The following NPRL3 variants were observed in gnomAD, a reference collection of about 807,000 sequenced individuals.
NPRL3 encodes NPR3 like, GATOR1 complex subunit.
A neutral mutation model predicts 57.2 loss-of-function variants in NPRL3; 23 were observed. The ratio of observed to expected loss-of-function variants is 0.40; its 90% CI spans 0.29 to 0.57. The LOEUF (loss-of-function observed/expected upper bound fraction) is 0.57, where lower values mean the gene tolerates loss of function less well. Ranked by LOEUF, NPRL3 falls within the 20% of genes least tolerant of loss-of-function variation. The pLI is 0.42. For synonymous variants in NPRL3, 333 were observed against 321.1 expected, an observed-to-expected ratio of 1.04 and a Z score of -0.39; for missense variants, 691 against 767.1, an observed-to-expected ratio of 0.90 and a Z score of 1.17.
Position 112,613 on chromosome 16 carries a change from T to G in NPRL3, c.547+9A>C, listed in dbSNP as rs370796954. On this transcript the variant is annotated intron_variant, in intron 6 of 13. Transcript: ENST00000611875. ...CAGACCCATGCCCATCACGCCCTGC[T>G]GCACTCACCATCAGCCATGGCGGAC... The G allele has an allele frequency of 4.7e-5, 73 of 1,565,764 alleles. No homozygotes were observed. Among genetic ancestry groups the G allele is most frequent in the Non-Finnish European group, 6.2e-5 (72 of 1,152,194 alleles).
At chr16:89,485 A>G (rs1252162666) in intron 12 of NPRL3, 1 of 504,378 alleles carries the variant, frequency 2.0e-6, no homozygotes, top group East Asian at 3.6e-5. Flanking sequence ...GCTGCCCCTA[A>G]TTCTAGCAAG....
At chr16:111,387 A>G (rs1053034665) in intron 6 of NPRL3, among the ~76,000 whole-genome samples, 1 of 151,548 alleles carries the variant, frequency 6.6e-6, no homozygotes, top group African/African-American at 2.4e-5. Flanking sequence ...GTGACAGAGG[A>G]AAAAACAAAA....
intron 3 of NPRL3, among the ~76,000 whole-genome samples, chr16:127,709 C>CTCGAGTGT (rs1900591589): frequency 1.3e-5 from 2 of 149,328 alleles, no homozygotes; most frequent in Admixed American, 1.3e-4. Flanking sequence ...GGCTGGAGTG[C>CTCGAGTGT]AGTGGCACAA....
At position 100,398 on chromosome 16, in the gene NPRL3, G is replaced by C; in HGVS notation, c.741C>G (p.Ala247=). 3.8e-6 allele frequency: 6 copies of C among 1,564,860 alleles called. No homozygotes were observed. The highest frequency in any genetic ancestry group is 5.2e-6 in the Non-Finnish European group (6 of 1,156,782). Residue 247 remains alanine (A), a synonymous_variant, in exon 8 of 14, where the codon GCC becomes GCG. Coordinates refer to ENST00000611875, the MANE Select transcript of NPRL3 (RefSeq NM_001077350.3). ...GGATGGCTTTCAGGCTCCGTTCGATGGCCTCTGGGGGGATCAGACTGGAGG... is the reference window on the plus strand; with the variant it reads ...GGATGGCTTTCAGGCTCCGTTCGATCGCCTCTGGGGGGATCAGACTGGAGG... ...YAASSLIPPE[A]IERSLKAIRP...
chr16:119,080 C>G, intron 4 of NPRL3, 46 bp downstream of exon 4: 3 of 1,605,660 alleles, frequency 1.9e-6, no homozygotes, highest in South Asian at 1.1e-5. Context: ...CCAAGGAGAG[C>G]CACATCTGCC....
chr16:108,006 A>C (rs1028602731), intron 7 of NPRL3, among the ~76,000 whole-genome samples: 4 of 152,242 alleles, frequency 2.6e-5, no homozygotes, highest in Non-Finnish European at 5.9e-5. Flanking sequence ...ACAATGAATC[A>C]AAGACAGGGT....
intron 3 of NPRL3, chr16:123,378 G>A (rs1478577329): frequency 1.5e-5 from 6 of 406,896 alleles, no homozygotes; most frequent in Non-Finnish European, 3.1e-5. Context: ...CTGGGGCAGT[G>A]AGGTCCACGC....
chr16:92,864 A>G, intron 10 of NPRL3, 139 bp from the exon 11 acceptor site: 1 of 1,097,910 alleles, frequency 9.1e-7, no homozygotes, highest in Non-Finnish European at 1.3e-6. Context: ...GTATGAGGCC[A>G]GGCAGGCCTC....
At chr16:117,397 A>C in intron 4 of NPRL3, 22 bp from the exon 5 acceptor site, 1 of 1,552,196 alleles carries the variant, frequency 6.4e-7, no homozygotes, top group Non-Finnish European at 8.8e-7. Context: ...GCATAATTCT[A>C]ATTAATTGAG....
intron 8 of NPRL3, among the ~76,000 whole-genome samples, chr16:99,066 AAGAC>A (rs1165854995): frequency 6.6e-6 from 1 of 152,224 alleles, no homozygotes; most frequent in Non-Finnish European, 1.5e-5. Flanking sequence ...CTGTTGATTG[AAGAC>A]ATGAATGAAT....
In NPRL3 at chr16:85,821, C is replaced by T. The variant is rs891188275; in HGVS notation, c.*884G>A. On this transcript the variant is annotated 3_prime_UTR_variant, in exon 14 of 14. Transcript: ENST00000611875. ...CAAGATTTTTTAATTGTTTAAAAAC[C>T]GAATAAATGTTTTATTTCTAGAAAA... is the stretch of plus-strand genomic sequence containing the variant. 1.7e-5 allele frequency: 24 copies of T among 1,441,766 alleles called. No homozygotes were observed. Among genetic ancestry groups the T allele is most frequent in the African/African-American group, 2.9e-5 (2 of 69,888 alleles). 89.3% of individuals were successfully genotyped at this position (1,441,766 alleles called of 1,614,324 possible).
At chr16:132,614 G>C (rs1900860131) in intron 2 of NPRL3, among the ~76,000 whole-genome samples, 1 of 151,572 alleles carries the variant, frequency 6.6e-6, no homozygotes, top group South Asian at 2.1e-4. Context: ...ATTTTGCCCT[G>C]ATCTGTCCAA....
chr16:106,049 G>A (rs1359709580), intron 7 of NPRL3, among the ~76,000 whole-genome samples: 2 of 152,192 alleles, frequency 1.3e-5, no homozygotes, highest in Non-Finnish European at 2.9e-5. Context: ...GGTGGCTCAC[G>A]CCTGTAGTCC....
At chr16:96,648 CAAAA>C (rs68086908) in intron 9 of NPRL3, among the ~76,000 whole-genome samples, 15 of 100,260 alleles carry the variant, frequency 1.5e-4, no homozygotes, top group African/African-American at 6.1e-4. Flanking sequence ...CCGTCTCTAC[CAAAA>C]AAAAAAAAAA....
At position 89,733 on chromosome 16, in the gene NPRL3, G is replaced by A. The variant is rs1485179848; in HGVS notation, c.1331C>T (p.Ala444Val). Reference protein sequence around the residue: ...VGGRSLSTPNALSFGSPTSSD... With the variant: ...VGGRSLSTPNVLSFGSPTSSD... ...CCTACTTGGGGAGCCAAAGCTGAGG[G>A]CGTTGGGCGTGCTGAGGCTGCGACC... Residue 444 changes from alanine to valine, a missense_variant, in exon 12 of 14, where the codon GCC becomes GTC. Coordinates refer to ENST00000611875, the MANE Select transcript of NPRL3 (RefSeq NM_001077350.3). 3 of 1,589,684 alleles carry A rather than the reference G, an allele frequency of 1.9e-6. No individual in the cohort carries two copies. The highest frequency in any genetic ancestry group is 1.1e-5 in the South Asian group (1 of 88,894).
At chr16:92,993 G>C (rs1170888507) in intron 10 of NPRL3, 2 of 613,356 alleles carry the variant, frequency 3.3e-6, no homozygotes, top group Non-Finnish European at 5.7e-6. Context: ...CTGGAGGAGG[G>C]GGCCAGGCAT....
chr16:88,247 G>C (rs1898585017), intron 13 of NPRL3, among the ~76,000 whole-genome samples: 1 of 152,192 alleles, frequency 6.6e-6, no homozygotes, highest in South Asian at 2.1e-4. Context: ...CGGGCGTGGT[G>C]GCGGGCGCCT....
chr16:132,008 C>CTTTT (rs61664945), intron 2 of NPRL3, among the ~76,000 whole-genome samples: 14 of 144,952 alleles, frequency 9.7e-5, no homozygotes, highest in African/African-American at 2.6e-4. Flanking sequence ...TTCTTTCTTT[C>CTTTT]TTTTTTTTTT....
intron 1 of NPRL3, 41 bp from the exon 2 acceptor site, chr16:138,375 GACGAGGCGGGGAC>G: frequency 1.2e-6 from 1 of 869,154 alleles, no homozygotes; most frequent in South Asian, 1.7e-5. Flanking sequence ...GCCTGAGGAG[GACGAGGCGGGGAC>G]GCAGGGGGCC....
Sources: gnomAD v4.1 joint callset for allele counts (sites outside exome capture counted in the v4.1 genomes callset) on GRCh38, gnomAD v4.1.1 for gene constraint, MANE v1.5 for transcripts, NCBI Gene and HGNC (gene_info 2026-07-23, HGNC 2026-07-21) for gene names.